ETV6: variants seen among roughly 807,000 people sequenced by gnomAD.
The protein encoded by ETV6 is ETS variant transcription factor 6.
A neutral mutation model predicts 51.1 loss-of-function variants in ETV6; 16 were observed. That is an observed-to-expected ratio of 0.31 (90% confidence interval 0.21 to 0.48). ETV6 has a LOEUF of 0.48. Among genes scored for constraint, ETV6 ranks in the 20% least tolerant of loss-of-function variants. The pLI, the probability that ETV6 is intolerant of heterozygous loss-of-function variation, is 0.99. For missense variants in ETV6, 458 were observed against 594.8 expected (o/e 0.77, Z 2.39); for synonymous variants, 240 against 224.1 (o/e 1.07, Z -0.64).
chr12:11,699,851 C>A (rs1864946046), intron 1 of ETV6, among the ~76,000 whole-genome samples: 1 of 152,164 alleles, frequency 6.6e-6, no homozygotes, highest in Admixed American at 6.5e-5. Context: ...TGCAAAGGTG[C>A]AAATGGGCCA....
intron 1 of ETV6, among the ~76,000 whole-genome samples, chr12:11,708,090 C>T (rs928238563): frequency 5.9e-5 from 9 of 152,106 alleles, no homozygotes; most frequent in East Asian, 1.9e-4. Flanking sequence ...GAGCATACGT[C>T]GAAAGCTGTA....
intron 2 of ETV6, among the ~76,000 whole-genome samples, chr12:11,836,882 G>T (rs1382160314): frequency 6.6e-6 from 1 of 152,130 alleles, no homozygotes; most frequent in African/African-American, 2.4e-5. Flanking sequence ...TCACCTCCAG[G>T]CACCTTCCTA....
intron 4 of ETV6, among the ~76,000 whole-genome samples, chr12:11,865,808 T>G (rs1479765661): frequency 6.6e-6 from 1 of 151,534 alleles, no homozygotes; most frequent in Non-Finnish European, 1.5e-5. Flanking sequence ...GATTTTCTCT[T>G]TATTTTTGGT....
chr12:11,822,484 T>C (rs1433825395), intron 2 of ETV6, among the ~76,000 whole-genome samples: 1 of 152,224 alleles, frequency 6.6e-6, no homozygotes, highest in Admixed American at 6.5e-5. Context: ...AGTAAACATA[T>C]ACCCTTTACT....
chr12:11,746,368 C>G (rs557968728), intron 1 of ETV6, among the ~76,000 whole-genome samples: 3 of 152,166 alleles, frequency 2.0e-5, no homozygotes, highest in Non-Finnish European at 2.9e-5. Context: ...TCAGTTTCCT[C>G]ATTGCGGAAT....
chr12:11,729,177 G>A (rs1253836194), intron 1 of ETV6, among the ~76,000 whole-genome samples: 1 of 152,220 alleles, frequency 6.6e-6, no homozygotes, highest in African/African-American at 2.4e-5. Flanking sequence ...TTCCTGCTCA[G>A]GCAGGTAAGA....
rs1000447926 is a variant in ETV6 at position 11,894,823 on chromosome 12, C to G, written c.*3777C>G. ...GAATGGAATTAGGCTCAGGATCCAG[C>G]CTGGGCTCACCCTGTGTGGCTCATT... On this transcript the variant is annotated 3_prime_UTR_variant, in exon 8 of 8. Transcript: ENST00000396373. 1 of 233,388 alleles carries G rather than the reference C, an allele frequency of 4.3e-6. No individual in the cohort carries two copies. The highest frequency in any genetic ancestry group is 8.5e-6 in the Non-Finnish European group (1 of 118,022). 14.5% of individuals were successfully genotyped at this position (233,388 alleles called of 1,614,324 possible).
chr12:11,732,605 C>A (rs1308664199), intron 1 of ETV6, among the ~76,000 whole-genome samples: 1 of 152,174 alleles, frequency 6.6e-6, no homozygotes, highest in African/African-American at 2.4e-5. Flanking sequence ...CCATCGTGCA[C>A]TGTGTCGTTT....
At chr12:11,685,827 A>G (rs1864618705) in intron 1 of ETV6, among the ~76,000 whole-genome samples, 1 of 152,222 alleles carries the variant, frequency 6.6e-6, no homozygotes, top group Non-Finnish European at 1.5e-5. Flanking sequence ...TCAGCCATTA[A>G]AAGAAGAATT....
At chr12:11,890,723 C>T (rs1947273922) in intron 7 of ETV6, among the ~76,000 whole-genome samples, 1 of 152,002 alleles carries the variant, frequency 6.6e-6, no homozygotes, top group African/African-American at 2.4e-5. Context: ...CCATGCCTGG[C>T]CCTAGTCTTT....
intron 3 of ETV6, 31 bp downstream of exon 3, chr12:11,839,335 A>C: frequency 6.3e-7 from 1 of 1,590,486 alleles, no homozygotes; most frequent in Non-Finnish European, 8.6e-7. Flanking sequence ...CATATGCCCA[A>C]CTTGGAAAGT....
chr12:11,703,447 A>G (rs745830058), intron 1 of ETV6, among the ~76,000 whole-genome samples: 3 of 152,150 alleles, frequency 2.0e-5, no homozygotes, highest in Non-Finnish European at 4.4e-5. Flanking sequence ...TGGGGATTAA[A>G]ATGGACAGAC....
intron 1 of ETV6, among the ~76,000 whole-genome samples, chr12:11,660,330 C>T (rs1292930036): frequency 2.0e-5 from 3 of 151,254 alleles, no homozygotes; most frequent in African/African-American, 4.9e-5. Context: ...TGGGGCGGGG[C>T]GTGGTGGCTC....
intron 1 of ETV6, among the ~76,000 whole-genome samples, chr12:11,711,369 A>G (rs1043063219): frequency 3.9e-5 from 6 of 152,202 alleles, no homozygotes; most frequent in African/African-American, 1.4e-4. Context: ...ACACAGCAAG[A>G]GTTCTAGGAG....
intron 1 of ETV6, among the ~76,000 whole-genome samples, chr12:11,725,106 T>C (rs1263463934): frequency 2.0e-5 from 3 of 151,866 alleles, no homozygotes; most frequent in African/African-American, 7.3e-5. Context: ...CTCCAGAACA[T>C]GTTCCCTGCC....
intron 1 of ETV6, among the ~76,000 whole-genome samples, chr12:11,664,832 C>T (rs1018666056): frequency 6.6e-6 from 1 of 152,154 alleles, no homozygotes; most frequent in Non-Finnish European, 1.5e-5. Context: ...ATCTTCCTTC[C>T]TCCATTTTGT....
intron 5 of ETV6, among the ~76,000 whole-genome samples, chr12:11,882,348 C>G (rs11054481): frequency 0.15 from 22,781 of 152,132 alleles, 1,919 homozygotes; most frequent in East Asian, 0.32. Flanking sequence ...TATAAACATA[C>G]ACCCATTAAC....
At chr12:11,846,872 GTTTGTTTTGT>G (rs950855203) in intron 3 of ETV6, among the ~76,000 whole-genome samples, 1 of 152,110 alleles carries the variant, frequency 6.6e-6, no homozygotes, top group Non-Finnish European at 1.5e-5. Context: ...GTTTGTTTTT[GTTTGTTTTGT>G]TTTGTTTTGA....
At chr12:11,754,526 G>A (rs189001373) in intron 2 of ETV6, among the ~76,000 whole-genome samples, 1 of 152,320 alleles carries the variant, frequency 6.6e-6, no homozygotes, top group Admixed American at 6.5e-5. Flanking sequence ...TGGAGGTCAG[G>A]AGATCTTAAC....
Sources: gnomAD v4.1 joint callset for allele counts (sites outside exome capture counted in the v4.1 genomes callset) on GRCh38, gnomAD v4.1.1 for gene constraint, MANE v1.5 for transcripts, NCBI Gene and HGNC (gene_info 2026-07-23, HGNC 2026-07-21) for gene names.